The following BTN2A1 variants were observed in gnomAD, a reference collection of about 807,000 sequenced individuals.
The protein encoded by BTN2A1 is butyrophilin, subfamily 2, member A1.
A neutral mutation model predicts 34.5 loss-of-function variants in BTN2A1; 41 were observed. That is an observed-to-expected ratio of 1.19 (90% confidence interval 0.93 to 1.54). The LOEUF (loss-of-function observed/expected upper bound fraction) is 1.54, where lower values mean the gene tolerates loss of function less well. Among genes scored for constraint, BTN2A1 ranks in the 40% most tolerant of loss-of-function variants. BTN2A1 has a pLI of 0.00. For synonymous variants in BTN2A1, 267 were observed against 258.6 expected, an observed-to-expected ratio of 1.03 and a Z score of -0.31; for missense variants, 642 against 662.0, an observed-to-expected ratio of 0.97 and a Z score of 0.33.
chr6:26,474,318 T>C (rs1191904087), downstream of BTN2A1, among the ~76,000 whole-genome samples: 7 of 152,204 alleles, frequency 4.6e-5, no homozygotes, highest in African/African-American at 1.7e-4. Flanking sequence ...TGTAACCAAT[T>C]AAGCTGTTTC....
rs552157771 is a variant in BTN2A1 at position 26,458,750 on chromosome 6, T to C, written c.82+32T>C. The C allele has an allele frequency of 4.4e-6, 7 of 1,607,874 alleles. No individual in the cohort carries two copies. In the African/African-American group the frequency reaches 8.0e-5, roughly 18 times the overall value. On this transcript the variant is annotated intron_variant, in intron 2 of 7. Transcript: ENST00000312541. ...ATGTGTGCCACTTGCTGCTGTCACCTATCAGAAAGGAACATCAACCCTGTA... is the reference window on the plus strand; with the variant it reads ...ATGTGTGCCACTTGCTGCTGTCACCCATCAGAAAGGAACATCAACCCTGTA...
chr6:26,469,561 A>G lies in BTN2A1; in HGVS notation c.*1012A>G, dbSNP rs1339655309. The G allele has an allele frequency of 2.5e-5, 4 of 159,872 alleles. No homozygotes were observed. Among genetic ancestry groups the G allele is most frequent in the Admixed American group, 1.3e-4 (2 of 15,306 alleles). The allele number at this position is 159,872 out of a possible 1,614,324, so 9.9% of individuals were successfully genotyped here. A position where few individuals can be genotyped will look rare whatever the true frequency, so the allele number is the denominator to read the frequency against. On this transcript the variant is annotated 3_prime_UTR_variant, in exon 8 of 8. Transcript: ENST00000312541. The stretch of plus-strand genomic sequence containing the variant: ...TTAAAATAGCATGAATAAGCCAATT[A>G]TAGGTTAATATAAGTAGAATGTTTG...
chr6:26,462,965 T>C, intron 3 of BTN2A1: 1 of 1,194,200 alleles, frequency 8.4e-7, no homozygotes, highest in Non-Finnish European at 1.1e-6. Flanking sequence ...TGCTTGGTGC[T>C]GTGATGGGGC....
At position 26,459,720 on chromosome 6, in the gene BTN2A1, G is replaced by A. The variant is rs777531421; in HGVS notation, c.322G>A (p.Val108Met). ...FVSKDISRGS[V>M]ALVIHNITAQ... ...GAGCAAAGACATCAGCAGGGGCAGC[G>A]TGGCCCTGGTCATACACAACATCAC... The change falls in exon 3 of 8, where the codon GTG becomes ATG. Residue 108 changes from valine (V) to methionine (M), a missense_variant. Physicochemically the swap from Val to Met is conservative, Grantham distance 21. Transcript: ENST00000312541. The A allele has an allele frequency of 5.6e-6, 9 of 1,614,018 alleles. No homozygotes were observed. The highest frequency in any genetic ancestry group is 5.3e-5 in the African/African-American group (4 of 74,896).
intron 7 of BTN2A1, chr6:26,467,643 C>T: frequency 7.0e-7 from 1 of 1,433,384 alleles, no homozygotes; most frequent in Non-Finnish European, 9.4e-7. Flanking sequence ...GAAAAGGGAA[C>T]ACATCTTAGA....
chr6:26,476,416 T>A (rs1763539071), exon 8 of BTN2A1: 3 of 697,262 alleles, frequency 4.3e-6, no homozygotes, highest in Non-Finnish European at 5.4e-6. Flanking sequence ...AGATGTCTGC[T>A]CACCCTCATT....
intron 7 of BTN2A1, chr6:26,467,726 A>G (rs551768698): frequency 9.4e-6 from 15 of 1,592,318 alleles, no homozygotes; most frequent in South Asian, 9.1e-5. Flanking sequence ...TAGAGCTCCA[A>G]TTCTTCTCAA....
chr6:26,459,902 C>T, intron 3 of BTN2A1, 74 bp downstream of exon 3: 1 of 1,369,016 alleles, frequency 7.3e-7, no homozygotes, highest in Non-Finnish European at 9.9e-7. Flanking sequence ...TAACCTCAGG[C>T]CCATTGCAGA....
In BTN2A1 at chr6:26,468,544, C is replaced by T; in HGVS notation, c.1579C>T (p.Leu527=). The T allele has an allele frequency of 1.2e-6, 2 of 1,614,152 alleles. No homozygotes were observed. The highest frequency in any genetic ancestry group is 1.7e-6 in the Non-Finnish European group (2 of 1,180,028). Residue 527 remains leucine, a synonymous_variant, in exon 8 of 8, where the codon CTA becomes TTA. Transcript: ENST00000312541. ...TLHRVGTHQS[L] is the part of the protein sequence containing the mutation. ...TCACAGAGTGGGGACCCACCAGAGCCTATAGAATCAATTCCTTGGTCTCAC... is the reference window on the plus strand; with the variant it reads ...TCACAGAGTGGGGACCCACCAGAGCTTATAGAATCAATTCCTTGGTCTCAC...
chr6:26,463,469 G>C lies in BTN2A1; in HGVS notation c.656G>C (p.Cys219Ser). 2 of 1,614,110 alleles carry C rather than the reference G, an allele frequency of 1.2e-6. No individual in the cohort carries two copies. The highest frequency in any genetic ancestry group is 3.3e-5 in the Admixed American group (2 of 60,014). The change falls in exon 4 of 8, where the codon TGC becomes TCC. Residue 219 changes from cysteine to serine, a missense_variant. Transcript: ENST00000312541. Reference protein sequence around the residue: ...IRDKSVRNMSCSINNTLLGQK... With the variant: ...IRDKSVRNMSSSINNTLLGQK... ...GACAAGTCTGTGAGGAACATGTCCT[G>C]CTCTATCAACAACACCCTGCTCGGC...
chr6:26,463,960 C>G (rs1453993091), intron 4 of BTN2A1, among the ~76,000 whole-genome samples: 1 of 152,062 alleles, frequency 6.6e-6, no homozygotes, highest in Non-Finnish European at 1.5e-5. Context: ...GCCACCACAC[C>G]CGGCTAATTT....
At chr6:26,464,173 G>C (rs1276530987) in intron 4 of BTN2A1, among the ~76,000 whole-genome samples, 1 of 152,084 alleles carries the variant, frequency 6.6e-6, no homozygotes, top group African/African-American at 2.4e-5. Flanking sequence ...TCTACACTTG[G>C]TGTTCCTGTA....
At chr6:26,459,951 C>T in intron 3 of BTN2A1, 123 bp downstream of exon 3, 1 of 96,054 alleles carries the variant, frequency 1.0e-5, no homozygotes, top group Non-Finnish European at 1.9e-5. Context: ...TCCACTCTCC[C>T]TGTGGAAACG....
Position 26,465,223 on chromosome 6 carries a change from C to G in BTN2A1, c.751C>G (p.Leu251Val), listed in dbSNP as rs1763277173. 1 of 1,614,052 alleles carries G rather than the reference C, an allele frequency of 6.2e-7. No individual in the cohort carries two copies. Among genetic ancestry groups the G allele is most frequent in the Admixed American group, 1.7e-5 (1 of 60,002 alleles). The change falls in exon 5 of 8, where the codon CTG becomes GTG. Residue 251 changes from leucine to valine, a missense_variant. By Grantham distance (32) the Leu-to-Val change is conservative. Coordinates refer to ENST00000312541, the MANE Select transcript of BTN2A1 (RefSeq NM_007049.5). ...CAGTGTGTCTCCCTGTGCAGTGGCC[C>G]TGCCTATCATTGTGGTTATTCTGAT... ...MPSVSPCAVA[L>V]PIIVVILMIP...
At chr6:26,471,663 A>AAAGGAAGGAAGG (rs71745841), downstream of BTN2A1, among the ~76,000 whole-genome samples, 65 of 151,612 alleles carry the variant, frequency 4.3e-4, no homozygotes, top group African/African-American at 1.4e-3. Context: ...GGAAGGAAGG[A>AAAGGAAGGAAGG]AAGGAAGGAA....
At chr6:26,470,380 A>ACCCCCC (rs11394562), downstream of BTN2A1, among the ~76,000 whole-genome samples, 19 of 141,804 alleles carry the variant, frequency 1.3e-4, no homozygotes, top group African/African-American at 4.2e-4. Flanking sequence ...TATGTCAGAG[A>ACCCCCC]CCCCCCCCAC....
chr6:26,476,458 G>T (rs1763539519), exon 8 of BTN2A1: 1 of 624,998 alleles, frequency 1.6e-6, no homozygotes, highest in Admixed American at 2.1e-5. Flanking sequence ...GTTTCAGATA[G>T]GTCTCTCTCT....
intron 5 of BTN2A1, 84 bp downstream of exon 5, chr6:26,465,490 A>C: frequency 7.7e-7 from 1 of 1,290,794 alleles, no homozygotes; most frequent in Non-Finnish European, 1.1e-6. Context: ...TGAGCCCTGG[A>C]GTTCGAGACC....
At chr6:26,475,603 G>A (rs534326840) in intron 7 of BTN2A1, among the ~76,000 whole-genome samples, 74 of 152,130 alleles carry the variant, frequency 4.9e-4, no homozygotes, top group African/African-American at 1.8e-3. Flanking sequence ...TTGGTACAAT[G>A]AACTCAAAAA....
Sources: allele counts gnomAD v4.1 joint callset (sites outside exome capture counted in the v4.1 genomes callset), GRCh38; gene constraint gnomAD v4.1.1; transcripts MANE v1.5; gene names NCBI Gene and HGNC (gene_info 2026-07-23, HGNC 2026-07-21).